Variants in DCDC2C observed in about 807,000 individuals in gnomAD.
DCDC2C encodes doublecortin domain-containing protein 2C.
A neutral mutation model predicts 45.0 loss-of-function variants in DCDC2C; 44 were observed. The ratio of observed to expected loss-of-function variants is 0.98; its 90% confidence interval spans 0.77 to 1.26. DCDC2C has a LOEUF of 1.26. DCDC2C is among the 50% of genes most tolerant of loss of function. The pLI is 0.00. For synonymous variants in DCDC2C, 187 were observed against 178.8 expected (o/e 1.05, Z -0.37); for missense variants, 447 against 468.9 (o/e 0.95, Z 0.43).
intron 1 of DCDC2C, among the ~76,000 whole-genome samples, chr2:3,704,319 AGGGCGTGGGGGAG>A (rs1667975998): frequency 7.2e-6 from 1 of 139,454 alleles, no homozygotes; most frequent in Non-Finnish European, 1.6e-5. Context: ...GACGGCCAGG[AGGGCGTGGGGGAG>A]GGGCGTGGGG....
At chr2:3,736,714 T>C (rs995347669) in intron 3 of DCDC2C, among the ~76,000 whole-genome samples, 7 of 152,340 alleles carry the variant, frequency 4.6e-5, no homozygotes, top group South Asian at 2.1e-4. Flanking sequence ...TTGTACATTG[T>C]ATATTTTCCA....
At chr2:3,728,089 G>A (rs1258758126) in intron 3 of DCDC2C, among the ~76,000 whole-genome samples, 2 of 152,162 alleles carry the variant, frequency 1.3e-5, no homozygotes, top group Non-Finnish European at 2.9e-5. Flanking sequence ...TCCCAGCCTT[G>A]TGTGAGCCAG....
At chr2:3,713,109 T>C (rs1668260595) in intron 2 of DCDC2C, among the ~76,000 whole-genome samples, 1 of 152,220 alleles carries the variant, frequency 6.6e-6, no homozygotes, top group African/African-American at 2.4e-5. Flanking sequence ...TAGGAATGAC[T>C]CCAGGATTTC....
chr2:3,705,844 T>C (rs1299141028), intron 1 of DCDC2C, among the ~76,000 whole-genome samples: 1 of 152,190 alleles, frequency 6.6e-6, no homozygotes, highest in East Asian at 1.9e-4. Flanking sequence ...TTTTACTTTT[T>C]GGGAGGAAAG....
At chr2:3,737,726 G>A (rs977055033) in intron 3 of DCDC2C, among the ~76,000 whole-genome samples, 3 of 152,128 alleles carry the variant, frequency 2.0e-5, no homozygotes, top group Non-Finnish European at 2.9e-5. Context: ...GGTTAGAGAC[G>A]ACTCTCTAAA....
intron 10 of DCDC2C, among the ~76,000 whole-genome samples, chr2:3,786,383 G>C (rs1572616851): frequency 5.8e-5 from 8 of 138,564 alleles, no homozygotes; most frequent in East Asian, 2.2e-4. Context: ...CTCCGGTGCG[G>C]GTGTGTCCCG....
intron 6 of DCDC2C, among the ~76,000 whole-genome samples, chr2:3,760,463 TG>T (rs1306754304): frequency 6.6e-6 from 1 of 152,070 alleles, no homozygotes; most frequent in African/African-American, 2.4e-5. Flanking sequence ...ATAAAGAAAA[TG>T]TGGCACATAT....
chr2:3,832,612 A>G (rs1671977820), intron 10 of DCDC2C, among the ~76,000 whole-genome samples: 1 of 152,182 alleles, frequency 6.6e-6, no homozygotes, highest in Non-Finnish European at 1.5e-5. Context: ...GAGAGCTTTT[A>G]TGTTCCGCTT....
At chr2:3,827,970 A>G (rs898786923) in intron 10 of DCDC2C, among the ~76,000 whole-genome samples, 6 of 152,148 alleles carry the variant, frequency 3.9e-5, no homozygotes, top group African/African-American at 1.4e-4. Context: ...TGCCCCAGAA[A>G]AAAATATCAG....
At chr2:3,804,506 C>T (rs188704315) in intron 10 of DCDC2C, among the ~76,000 whole-genome samples, 3 of 152,254 alleles carry the variant, frequency 2.0e-5, no homozygotes, top group African/African-American at 4.8e-5. Flanking sequence ...TTTTTAGAAA[C>T]ATTTTATTGT....
chr2:3,826,284 A>G (rs1671813684), intron 10 of DCDC2C, among the ~76,000 whole-genome samples: 1 of 152,198 alleles, frequency 6.6e-6, no homozygotes, highest in African/African-American at 2.4e-5. Context: ...ACAAATTTTT[A>G]AAGTTTTTCA....
intron 10 of DCDC2C, among the ~76,000 whole-genome samples, chr2:3,811,849 T>C (rs1234705384): frequency 2.6e-5 from 4 of 152,232 alleles, no homozygotes; most frequent in African/African-American, 9.6e-5. Flanking sequence ...ACATGGTTTT[T>C]ATATTTGGTT....
At chr2:3,752,432 G>A (rs1007109102) in intron 4 of DCDC2C, 30 of 334,024 alleles carry the variant, frequency 9.0e-5, no homozygotes, top group Non-Finnish European at 1.5e-4. Context: ...ATAACAATGT[G>A]GGCCAATTTG....
intron 2 of DCDC2C, among the ~76,000 whole-genome samples, chr2:3,724,264 G>C (rs551861158): frequency 3.3e-5 from 5 of 152,152 alleles, no homozygotes; most frequent in Non-Finnish European, 7.3e-5. Context: ...CGTCTGCCAG[G>C]CTGCTTCTGA....
At position 3,772,115 on chromosome 2, in the gene DCDC2C, C is replaced by T. The variant is rs567531765; in HGVS notation, c.954+2704C>T. ...TAAAATATTACAAAATATAACATCC[C>T]GACTAGTAAATGTATGAATTTGGAG... On this transcript the variant is annotated intron_variant, in intron 8 of 10. Coordinates refer to ENST00000399143, the MANE Select transcript of DCDC2C (RefSeq NM_001287444.2). Among the ~76,000 whole-genome samples the T allele has an allele frequency of 2.0e-5, 3 of 152,220 alleles. No homozygotes were observed. In the East Asian group the frequency reaches 5.8e-4, roughly 29 times the overall value.
chr2:3,735,064 A>G (rs1239337720), intron 3 of DCDC2C, among the ~76,000 whole-genome samples: 1 of 152,096 alleles, frequency 6.6e-6, no homozygotes, highest in African/African-American at 2.4e-5. Context: ...TGAAGACTAG[A>G]AACTTGGTCT....
At chr2:3,731,504 A>G (rs9308791) in intron 3 of DCDC2C, among the ~76,000 whole-genome samples, 130,039 of 152,140 alleles carry the variant, frequency 0.85, 55,683 homozygotes, top group South Asian at 0.93. Context: ...AGGCTTGAAG[A>G]GCTAACCGGG....
chr2:3,815,025 T>C (rs960846128), intron 10 of DCDC2C, among the ~76,000 whole-genome samples: 1 of 152,260 alleles, frequency 6.6e-6, no homozygotes, highest in Non-Finnish European at 1.5e-5. Flanking sequence ...TCAAATGGCT[T>C]AGACAGCAGG....
At chr2:3,728,938 A>AT (rs1164226257) in intron 3 of DCDC2C, among the ~76,000 whole-genome samples, 1 of 152,074 alleles carries the variant, frequency 6.6e-6, no homozygotes, top group East Asian at 1.9e-4. Context: ...GAAGTCACTG[A>AT]TTTGGAGGTT....
Sources: allele counts gnomAD v4.1 joint callset (sites outside exome capture counted in the v4.1 genomes callset), GRCh38; gene constraint gnomAD v4.1.1; transcripts MANE v1.5; gene names NCBI Gene and HGNC (gene_info 2026-07-23, HGNC 2026-07-21).